TRAPPC9: variants seen among roughly 807,000 people sequenced by gnomAD.
TRAPPC9 encodes trafficking protein particle complex subunit 9, also known as IKK2 binding protein.
In TRAPPC9, 83 loss-of-function variants were observed where a neutral mutation model predicts 124.0. The observed-to-expected ratio is 0.67, with a 90% confidence interval of 0.56 to 0.80. TRAPPC9 has a LOEUF of 0.80. Ranked by LOEUF, TRAPPC9 falls within the 30% of genes least tolerant of loss-of-function variation. The pLI is 0.00. For missense variants in TRAPPC9, 1,302 were observed against 1,508.3 expected (o/e 0.86, Z 2.27); for synonymous variants, 638 against 617.5 (o/e 1.03, Z -0.49).
At chr8:140,458,030 G>T (rs561253832), upstream of TRAPPC9, among the ~76,000 whole-genome samples, 219 of 132,680 alleles carry the variant, frequency 1.7e-3, 4 homozygotes, top group African/African-American at 6.4e-3. Flanking sequence ...AGGAGGAGGA[G>T]GGGTGAAAGA....
At chr8:140,086,221 A>G (rs1434927322) in intron 17 of TRAPPC9, among the ~76,000 whole-genome samples, 1 of 152,192 alleles carries the variant, frequency 6.6e-6, no homozygotes, top group African/African-American at 2.4e-5. Flanking sequence ...AGAAAGTACA[A>G]GAGGATCCCA....
At chr8:140,013,475 G>A (rs896078979) in intron 18 of TRAPPC9, among the ~76,000 whole-genome samples, 3 of 152,236 alleles carry the variant, frequency 2.0e-5, no homozygotes, top group Non-Finnish European at 2.9e-5. Flanking sequence ...ACACTGCAGC[G>A]TTTCTTCAAA....
intron 21 of TRAPPC9, among the ~76,000 whole-genome samples, chr8:139,827,480 T>C (rs1393383073): frequency 2.0e-5 from 3 of 152,132 alleles, no homozygotes; most frequent in African/African-American, 7.2e-5. Context: ...GTAGCAGCAT[T>C]TAGACGGGGC....
intron 21 of TRAPPC9, among the ~76,000 whole-genome samples, chr8:139,824,653 C>G (rs978935378): frequency 6.6e-6 from 1 of 152,152 alleles, no homozygotes; most frequent in South Asian, 2.1e-4. Context: ...CTCCACCTCC[C>G]AGGTTCAAGC....
chr8:139,967,256 A>G (rs1285013468), intron 19 of TRAPPC9, among the ~76,000 whole-genome samples: 1 of 152,214 alleles, frequency 6.6e-6, no homozygotes, highest in East Asian at 1.9e-4. Flanking sequence ...ACTCCCCAGT[A>G]TGTCTCAGAG....
chr8:139,769,654 C>T (rs947109537), intron 21 of TRAPPC9, among the ~76,000 whole-genome samples: 2 of 152,048 alleles, frequency 1.3e-5, no homozygotes, highest in African/African-American at 4.8e-5. Context: ...AGAATACAAA[C>T]AAAAATAAAG....
intron 17 of TRAPPC9, among the ~76,000 whole-genome samples, chr8:140,108,511 C>T (rs1002153747): frequency 6.6e-6 from 1 of 152,224 alleles, no homozygotes; most frequent in Non-Finnish European, 1.5e-5. Context: ...ACAAAGCTCC[C>T]GCTCGCCCCC....
At chr8:140,001,669 A>G (rs773717216) in intron 18 of TRAPPC9, among the ~76,000 whole-genome samples, 21 of 152,222 alleles carry the variant, frequency 1.4e-4, no homozygotes, top group South Asian at 2.1e-4. Flanking sequence ...AGGAAATACT[A>G]CAAACAACTC....
chr8:140,386,008 T>C (rs1036772607), intron 7 of TRAPPC9, among the ~76,000 whole-genome samples: 6 of 152,180 alleles, frequency 3.9e-5, no homozygotes, highest in Non-Finnish European at 7.3e-5. Flanking sequence ...CAAGGCTGGT[T>C]CAATATATGC....
At chr8:140,328,169 C>T (rs1037871137) in intron 9 of TRAPPC9, among the ~76,000 whole-genome samples, 2 of 151,990 alleles carry the variant, frequency 1.3e-5, no homozygotes, top group African/African-American at 4.8e-5. Flanking sequence ...ACAGAAGAAT[C>T]GCTTGAAGCC....
chr8:139,985,771 G>A (rs772212884), intron 19 of TRAPPC9, among the ~76,000 whole-genome samples: 5 of 152,032 alleles, frequency 3.3e-5, no homozygotes, highest in Non-Finnish European at 5.9e-5. Context: ...TGAATACCCT[G>A]GAAGCCACCT....
rs758072775 is a variant in TRAPPC9 at position 140,435,153 on chromosome 8, C to T, written c.818G>A (p.Gly273Asp). The T allele has an allele frequency of 1.9e-6, 3 of 1,614,154 alleles. No individual in the cohort carries two copies. In the South Asian group the frequency reaches 3.3e-5, roughly 18 times the overall value. Reference sequence around the variant, plus strand: ...GGCTGCTTCAGCAGGAAGGGTGCTGCCCTGGAACCTCCGAGCTCCACTCTT... The same window carrying T: ...GGCTGCTTCAGCAGGAAGGGTGCTGTCCTGGAACCTCCGAGCTCCACTCTT... Reference protein sequence around the residue: ...GGKSGARRFQGSTLPAEAANR... With the variant: ...GGKSGARRFQDSTLPAEAANR... The change falls in exon 4 of 23, where the codon GGC becomes GAC. Residue 273 changes from glycine to aspartate, a missense_variant. Physicochemically the swap from Gly to Asp is moderately conservative, Grantham distance 94. Around this residue, in one of 3 missense-constraint regions of TRAPPC9, gnomAD observed 657 missense variants for 811.2 expected, o/e 0.81. Coordinates refer to ENST00000438773, the MANE Select transcript of TRAPPC9 (RefSeq NM_001160372.4).
chr8:139,931,989 G>A (rs974068620), intron 19 of TRAPPC9: 5 of 225,766 alleles, frequency 2.2e-5, no homozygotes, highest in Admixed American at 5.3e-5. Context: ...GCTACTCTCC[G>A]GATGATTTAT....
At chr8:140,125,168 C>A (rs1350204038) in intron 17 of TRAPPC9, among the ~76,000 whole-genome samples, 1 of 152,236 alleles carries the variant, frequency 6.6e-6, no homozygotes, top group Non-Finnish European at 1.5e-5. Flanking sequence ...CCGAGGTCAG[C>A]AGGCAGAGGC....
intron 21 of TRAPPC9, among the ~76,000 whole-genome samples, chr8:139,856,507 C>A (rs945772647): frequency 6.6e-6 from 1 of 152,160 alleles, no homozygotes; most frequent in Non-Finnish European, 1.5e-5. Flanking sequence ...CTGAGTCTAG[C>A]AGGAGAGAGG....
intron 19 of TRAPPC9, among the ~76,000 whole-genome samples, chr8:139,967,776 G>A (rs1218706298): frequency 6.6e-6 from 1 of 152,214 alleles, no homozygotes; most frequent in Non-Finnish European, 1.5e-5. Flanking sequence ...CCTCTGCTAT[G>A]GAATAATAAC....
chr8:140,272,380 G>A (rs959116419), intron 15 of TRAPPC9, among the ~76,000 whole-genome samples: 5 of 130,128 alleles, frequency 3.8e-5, no homozygotes, highest in African/African-American at 7.8e-5. Context: ...GGGTGGTGGT[G>A]ATGATGGTGA....
chr8:139,756,391 GTTGGGGT>G (rs1819780536), intron 21 of TRAPPC9, among the ~76,000 whole-genome samples: 1 of 133,872 alleles, frequency 7.5e-6, no homozygotes, highest in African/African-American at 3.1e-5. Flanking sequence ...AGGAGCCAGG[GTTGGGGT>G]ATAAGGACAG....
chr8:140,072,230 G>A (rs189395101), intron 17 of TRAPPC9, among the ~76,000 whole-genome samples: 1 of 152,242 alleles, frequency 6.6e-6, no homozygotes, highest in East Asian at 1.9e-4. Flanking sequence ...CAATAGATCT[G>A]AATTTTTAAC....
Sources: allele counts gnomAD v4.1 joint callset (sites outside exome capture counted in the v4.1 genomes callset), GRCh38; gene constraint gnomAD v4.1.1; regional missense constraint gnomAD v4.1.1; transcripts MANE v1.5; gene names NCBI Gene and HGNC (gene_info 2026-07-23, HGNC 2026-07-21).